Variants in PCDHA8 observed in about 807,000 individuals in gnomAD.
The protein encoded by PCDHA8 is protocadherin alpha 8, also known as protocadherin alpha-8.
In PCDHA8, 53 loss-of-function variants were observed where a neutral mutation model predicts 61.8. That is an observed-to-expected ratio of 0.86 (90% CI 0.69 to 1.08). PCDHA8 has a LOEUF of 1.08. Among genes scored for constraint, PCDHA8 ranks in the 50% least tolerant of loss-of-function variants. PCDHA8 has a pLI of 0.00. For synonymous variants in PCDHA8, 618 were observed against 556.6 expected, an observed-to-expected ratio of 1.11 and a Z score of -1.55; for missense variants, 1,293 against 1,245.0, an observed-to-expected ratio of 1.04 and a Z score of -0.58.
chr5:140,880,739 A>G (rs1349403476), intron 1 of PCDHA8, among the ~76,000 whole-genome samples: 1 of 152,204 alleles, frequency 6.6e-6, no homozygotes, highest in South Asian at 2.1e-4. Context: ...GAGAAAATGG[A>G]TTGTCAGTGT....
rs17844346 is a variant in PCDHA8 at position 140,857,813 on chromosome 5, G to T, written c.2394+14098G>T. On this transcript the variant is annotated intron_variant, in intron 1 of 3. Transcript: ENST00000531613. Reference sequence around the variant, plus strand: ...GCTGCGGTCGGTGGTTGCGGGTCACGTGGTGGCTAAGGTGCGCGCAGTGGA... The same window carrying T: ...GCTGCGGTCGGTGGTTGCGGGTCACTTGGTGGCTAAGGTGCGCGCAGTGGA... 43 of 1,597,700 alleles carry T rather than the reference G, an allele frequency of 2.7e-5. 5 individuals are homozygous for T. The highest frequency in any genetic ancestry group is 1.8e-4 in the East Asian group (8 of 44,836).
intron 1 of PCDHA8, among the ~76,000 whole-genome samples, chr5:140,953,120 C>T (rs2094851215): frequency 6.6e-6 from 1 of 152,154 alleles, no homozygotes; most frequent in South Asian, 2.1e-4. Context: ...GGACACAGAT[C>T]TAAACCGTAT....
At chr5:140,870,919 C>A in intron 1 of PCDHA8, 1 of 1,613,952 alleles carries the variant, frequency 6.2e-7, no homozygotes. Context: ...CAACGCGTGG[C>A]TTTCATATGA....
At chr5:140,902,504 C>G (rs2069506794) in intron 1 of PCDHA8, among the ~76,000 whole-genome samples, 1 of 151,984 alleles carries the variant, frequency 6.6e-6, no homozygotes, top group African/African-American at 2.4e-5. Context: ...AGCTGTGAGT[C>G]TGTCATATAT....
chr5:140,943,529 A>C (rs1291911076), intron 1 of PCDHA8, among the ~76,000 whole-genome samples: 1 of 152,220 alleles, frequency 6.6e-6, no homozygotes, highest in Non-Finnish European at 1.5e-5. Flanking sequence ...TCAGTATGCA[A>C]AATGTCATGT....
At chr5:140,855,753 G>A (rs1461376517) in intron 1 of PCDHA8, 1 of 333,040 alleles carries the variant, frequency 3.0e-6, no homozygotes, top group African/African-American at 2.1e-5. Context: ...GTGAGGCTTT[G>A]AAAGTCCATA....
intron 1 of PCDHA8, chr5:140,863,127 C>A: frequency 1.7e-6 from 1 of 597,490 alleles, no homozygotes; most frequent in Non-Finnish European, 3.3e-6. Context: ...CTACGCGCCA[C>A]CGCCTGCTGG....
Position 140,914,027 on chromosome 5 carries a change from T to G in PCDHA8, c.2395-64922T>G, listed in dbSNP as rs188298966. Among the ~76,000 whole-genome samples the G allele has an allele frequency of 8.0e-3, 1,214 of 152,300 alleles. 6 individuals carry two copies. Among genetic ancestry groups the G allele is most frequent in the African/African-American group, 0.019 (784 of 41,574 alleles). On this transcript the variant is annotated intron_variant, in intron 1 of 3. Coordinates refer to ENST00000531613, the MANE Select transcript of PCDHA8 (RefSeq NM_018911.3). ...CTATCTTTGAGAATGATCCACGTGCTGAGAAGAATGTGTATTCTGCAGCTG... is the reference window on the plus strand; with the variant it reads ...CTATCTTTGAGAATGATCCACGTGCGGAGAAGAATGTGTATTCTGCAGCTG...
intron 1 of PCDHA8, among the ~76,000 whole-genome samples, chr5:140,978,488 C>A (rs1453613410): frequency 6.6e-6 from 1 of 152,224 alleles, no homozygotes; most frequent in African/African-American, 2.4e-5. Context: ...TCTGCAAAGC[C>A]AGCAGCAGAT....
chr5:140,926,959 G>C (rs781794027), intron 1 of PCDHA8: 23 of 1,603,904 alleles, frequency 1.4e-5, no homozygotes, highest in Non-Finnish European at 1.9e-5. Context: ...GGGACAGCTC[G>C]AGTACTCAGT....
intron 1 of PCDHA8, among the ~76,000 whole-genome samples, chr5:140,970,367 TA>T (rs1554232416): frequency 6.6e-6 from 1 of 152,216 alleles, no homozygotes; most frequent in Non-Finnish European, 1.5e-5. Flanking sequence ...TGATTTGCTA[TA>T]GCTTCAAAAG....
rs1311209449 is a variant in PCDHA8, at chr5:141,010,944, A to G, written c.*1007A>G. On this transcript the variant is annotated 3_prime_UTR_variant, in exon 4 of 4. Transcript: ENST00000531613. ...GAGAATTCAGTCTACAGCCATTTAA[A>G]TGATCATTGCTGCTACAGAAGTGCT... 6.5e-6 allele frequency: 1 copy of G among 153,776 alleles called. No individual in the cohort carries two copies. The highest frequency in any genetic ancestry group is 2.4e-5 in the African/African-American group (1 of 41,450). 9.5% of individuals were successfully genotyped at this position (153,776 alleles called of 1,614,324 possible).
At chr5:140,890,245 A>G (rs2062563165) in intron 1 of PCDHA8, among the ~76,000 whole-genome samples, 1 of 152,146 alleles carries the variant, frequency 6.6e-6, no homozygotes, top group Admixed American at 6.5e-5. Context: ...TTACCAGTAC[A>G]CTACTGCACC....
In PCDHA8 at chr5:140,869,132, G is replaced by GCA. The variant is rs782288889; in HGVS notation, c.2394+25419_2394+25420dup. On this transcript the variant is annotated intron_variant, in intron 1 of 3. Transcript: ENST00000531613. ...TTTGGTTTTCAGAGAAGGGGATTGG[G>GCA]CACCCCACGACTACAGCTCTGGCTT... The GCA allele has an allele frequency of 1.9e-6, 3 of 1,612,054 alleles. No homozygotes were observed. The Admixed American group carries it at 5.0e-5, about 27-fold the overall frequency.
chr5:140,848,775 G>A, intron 1 of PCDHA8: 1 of 1,593,566 alleles, frequency 6.3e-7, no homozygotes, highest in Non-Finnish European at 8.6e-7. Context: ...CGACCGCGAG[G>A]AGCTGTGCGG....
chr5:140,895,523 C>T (rs2065044928), intron 1 of PCDHA8, among the ~76,000 whole-genome samples: 1 of 152,068 alleles, frequency 6.6e-6, no homozygotes, highest in South Asian at 2.1e-4. Flanking sequence ...TTGGTTTATT[C>T]GTTTTTCAAT....
At chr5:140,846,652 G>T (rs910062577) in intron 1 of PCDHA8, among the ~76,000 whole-genome samples, 4 of 149,138 alleles carry the variant, frequency 2.7e-5, no homozygotes, top group African/African-American at 9.8e-5. Context: ...GGGATTACAG[G>T]CATGAGCCAC....
chr5:140,917,741 C>G (rs2078335946), intron 1 of PCDHA8, among the ~76,000 whole-genome samples: 1 of 152,048 alleles, frequency 6.6e-6, no homozygotes, highest in Non-Finnish European at 1.5e-5. Flanking sequence ...CTAACCTGTC[C>G]CATTGGTCTA....
Position 140,978,986 on chromosome 5 carries a change from C to A in PCDHA8, c.2432C>A (p.Ser811Tyr). The change falls in exon 2 of 4, where the codon TCC becomes TAC. Residue 811 changes from serine (S) to tyrosine (Y), a missense_variant. Ser to Tyr is a moderately radical substitution (Grantham distance 144). Coordinates refer to ENST00000531613, the MANE Select transcript of PCDHA8 (RefSeq NM_018911.3). ...AACCCTGACTGGCGTTACTCTGCCT[C>A]CCTGAGAGCAGGCATGCACAGGTAT... ...QPNPDWRYSA[S>Y]LRAGMHSSVH... is the part of the protein sequence containing the mutation. The A allele has an allele frequency of 6.2e-7, 1 of 1,614,190 alleles. No homozygotes were observed. The highest frequency in any genetic ancestry group is 1.7e-5 in the Admixed American group (1 of 60,026).
Sources: gnomAD v4.1 joint callset for allele counts (sites outside exome capture counted in the v4.1 genomes callset) on GRCh38, gnomAD v4.1.1 for gene constraint, MANE v1.5 for transcripts, NCBI Gene and HGNC (gene_info 2026-07-23, HGNC 2026-07-21) for gene names.